Variants in ADAMTS6 observed in about 807,000 individuals in gnomAD.
ADAMTS6 encodes A disintegrin and metalloproteinase with thrombospondin motifs 6.
ADAMTS6 carries 23 observed loss-of-function variants against 144.3 expected under a neutral mutation model. The ratio of observed to expected loss-of-function variants is 0.16; its 90% CI spans 0.11 to 0.23. The LOEUF (loss-of-function observed/expected upper bound fraction) is 0.23. ADAMTS6 is among the 10% of genes least tolerant of loss of function. ADAMTS6 has a pLI of 1.00. For missense variants in ADAMTS6, 999 were observed against 1,379.6 expected (o/e 0.72, Z 4.37); for synonymous variants, 444 against 457.5 (o/e 0.97, Z 0.38).
At chr5:65,348,654 T>C (rs892082952) in intron 7 of ADAMTS6, among the ~76,000 whole-genome samples, 3 of 152,160 alleles carry the variant, frequency 2.0e-5, no homozygotes, top group Non-Finnish European at 4.4e-5. Flanking sequence ...TTTTAAATGT[T>C]TGTACCACAA....
intron 12 of ADAMTS6, among the ~76,000 whole-genome samples, chr5:65,271,692 C>T (rs878983600): frequency 7.9e-5 from 12 of 152,086 alleles, no homozygotes; most frequent in Middle Eastern, 3.2e-3. Flanking sequence ...TGAACTTGAT[C>T]ATGAGAATAA....
chr5:65,328,069 A>G (rs1006107526), intron 9 of ADAMTS6, among the ~76,000 whole-genome samples: 4 of 152,148 alleles, frequency 2.6e-5, no homozygotes, highest in Middle Eastern at 3.2e-3. Context: ...TAGAATACCA[A>G]TATTTTAAAG....
chr5:65,430,292 G>T (rs1209846135), intron 7 of ADAMTS6, among the ~76,000 whole-genome samples: 1 of 151,816 alleles, frequency 6.6e-6, no homozygotes, highest in Non-Finnish European at 1.5e-5. Flanking sequence ...CTAGACAACT[G>T]CTCTCTCTCC....
intron 7 of ADAMTS6, among the ~76,000 whole-genome samples, chr5:65,401,870 TC>T (rs1753947778): frequency 6.6e-6 from 1 of 152,174 alleles, no homozygotes; most frequent in South Asian, 2.1e-4. Flanking sequence ...TTTGATTTTC[TC>T]ACTTTTTCCT....
At chr5:65,385,912 T>C (rs1449960269) in intron 7 of ADAMTS6, among the ~76,000 whole-genome samples, 1 of 152,222 alleles carries the variant, frequency 6.6e-6, no homozygotes, top group Non-Finnish European at 1.5e-5. Context: ...AATTTACCAC[T>C]GCTTATTTTG....
intron 7 of ADAMTS6, among the ~76,000 whole-genome samples, chr5:65,338,856 C>G (rs1747558896): frequency 6.6e-6 from 1 of 152,164 alleles, no homozygotes; most frequent in Non-Finnish European, 1.5e-5. Flanking sequence ...CAGCCTGCCC[C>G]CAGCAGACTT....
intron 14 of ADAMTS6, among the ~76,000 whole-genome samples, chr5:65,248,943 A>G (rs1759896986): frequency 6.6e-6 from 1 of 152,128 alleles, no homozygotes; most frequent in Admixed American, 6.6e-5. Context: ...ACAATACATC[A>G]TAAATATATA....
intron 20 of ADAMTS6, chr5:65,210,660 C>A (rs1187065975): frequency 4.9e-6 from 3 of 617,588 alleles, no homozygotes; most frequent in Admixed American, 1.9e-5. Context: ...CCAAACAATT[C>A]CCTGGTTATG....
chr5:65,353,831 T>C (rs544063280), intron 7 of ADAMTS6, among the ~76,000 whole-genome samples: 26 of 152,022 alleles, frequency 1.7e-4, no homozygotes, highest in Non-Finnish European at 2.5e-4. Flanking sequence ...ATGGAAACTT[T>C]AGTGAATATT....
At chr5:65,340,651 T>G (rs1327330924) in intron 7 of ADAMTS6, among the ~76,000 whole-genome samples, 1 of 151,810 alleles carries the variant, frequency 6.6e-6, no homozygotes, top group Non-Finnish European at 1.5e-5. Context: ...AATTCCCCAT[T>G]GAAAAGATAT....
At chr5:65,342,308 T>A (rs1038861067) in intron 7 of ADAMTS6, among the ~76,000 whole-genome samples, 2 of 151,772 alleles carry the variant, frequency 1.3e-5, no homozygotes, top group Non-Finnish European at 2.9e-5. Context: ...TGGTGGAAGG[T>A]GAAAGGCATG....
At chr5:65,309,939 T>C (rs1561406972) in intron 9 of ADAMTS6, among the ~76,000 whole-genome samples, 2 of 152,074 alleles carry the variant, frequency 1.3e-5, no homozygotes, top group Non-Finnish European at 2.9e-5. Context: ...GGTTTGGATC[T>C]GTGTCCCTGC....
chr5:65,455,287 A>G (rs1386320888), intron 4 of ADAMTS6, among the ~76,000 whole-genome samples: 1 of 152,248 alleles, frequency 6.6e-6, no homozygotes, highest in African/African-American at 2.4e-5. Flanking sequence ...TCACGCCCGT[A>G]ATCCCAACAC....
Position 65,361,992 on chromosome 5 carries a change from C to A in ADAMTS6, c.1074-27907G>T, listed in dbSNP as rs78007316. On this transcript the variant is annotated intron_variant, in intron 7 of 24. Transcript: ENST00000381055. ...TCAAGCAATCTGCCCACCTTGCCCT[C>A]CTAAAATGCTGGGATTACAGGCGAG... Among the ~76,000 whole-genome samples, 1,176 of 152,312 alleles carry A rather than the reference C, an allele frequency of 7.7e-3. 8 individuals are homozygous for A. Among genetic ancestry groups the A allele is most frequent in the Non-Finnish European group, 0.011 (765 of 68,024 alleles).
intron 11 of ADAMTS6, among the ~76,000 whole-genome samples, chr5:65,282,672 G>C (rs1248098521): frequency 1.3e-5 from 2 of 152,006 alleles, no homozygotes; most frequent in African/African-American, 2.4e-5. Flanking sequence ...ACGAGAGTCA[G>C]GTTGGAATTT....
chr5:65,451,445 C>T, intron 7 of ADAMTS6, 30 bp downstream of exon 7: 1 of 1,611,802 alleles, frequency 6.2e-7, no homozygotes, highest in Non-Finnish European at 8.5e-7. Flanking sequence ...ACACAACAAT[C>T]AATGGAAAAA....
chr5:65,241,315 C>T (rs1759166808), intron 15 of ADAMTS6, among the ~76,000 whole-genome samples: 1 of 149,906 alleles, frequency 6.7e-6, no homozygotes, highest in African/African-American at 2.5e-5. Context: ...TCTGCAACCT[C>T]CGCCTCCTGG....
chr5:65,459,962 T>C (rs967864319), intron 4 of ADAMTS6, among the ~76,000 whole-genome samples: 1 of 152,224 alleles, frequency 6.6e-6, no homozygotes. Context: ...ATGAATTTTA[T>C]ACAAACTTAC....
chr5:65,212,403 T>G (rs2112316322), intron 20 of ADAMTS6, among the ~76,000 whole-genome samples: 1 of 147,986 alleles, frequency 6.8e-6, no homozygotes, highest in Middle Eastern at 3.6e-3. Flanking sequence ...AAGCTCTCCC[T>G]TCCAGAGGCT....
Sources: gnomAD v4.1 joint callset for allele counts (sites outside exome capture counted in the v4.1 genomes callset) on GRCh38, gnomAD v4.1.1 for gene constraint, MANE v1.5 for transcripts, NCBI Gene and HGNC (gene_info 2026-07-23, HGNC 2026-07-21) for gene names.